Variants in KCNT2 observed in about 807,000 individuals in gnomAD.
The protein encoded by KCNT2 is potassium sodium-activated channel subfamily T member 2.
A neutral mutation model predicts 153.8 loss-of-function variants in KCNT2; 67 were observed. The ratio of observed to expected loss-of-function variants is 0.44; its 90% confidence interval spans 0.36 to 0.53. The LOEUF (loss-of-function observed/expected upper bound fraction) is 0.53. Among genes scored for constraint, KCNT2 ranks in the 20% least tolerant of loss-of-function variants. The probability of loss-of-function intolerance (pLI) is 0.00; values close to 1 mark genes in which losing one functional copy is unlikely to be tolerated. For synonymous variants in KCNT2, 500 were observed against 458.8 expected, an observed-to-expected ratio of 1.09 and a Z score of -1.15; for missense variants, 975 against 1,354.8, an observed-to-expected ratio of 0.72 and a Z score of 4.40.
intron 25 of KCNT2, among the ~76,000 whole-genome samples, chr1:196,270,507 G>C (rs1657965032): frequency 6.6e-6 from 1 of 152,026 alleles, no homozygotes; most frequent in Non-Finnish European, 1.5e-5. Context: ...AATCATGTTA[G>C]ACTCTATAAT....
chr1:196,543,119 G>C (rs189422843), intron 1 of KCNT2, among the ~76,000 whole-genome samples: 1 of 152,224 alleles, frequency 6.6e-6, no homozygotes, highest in Non-Finnish European at 1.5e-5. Context: ...AGTTGTGGTA[G>C]TCTTGAAAGC....
intron 26 of KCNT2, among the ~76,000 whole-genome samples, chr1:196,245,032 A>G (rs1655311153): frequency 6.6e-6 from 1 of 152,152 alleles, no homozygotes; most frequent in Non-Finnish European, 1.5e-5. Flanking sequence ...GAAAATAAAG[A>G]AAAAGAACAA....
At chr1:196,593,924 C>G (rs1055408092) in intron 1 of KCNT2, among the ~76,000 whole-genome samples, 1 of 151,628 alleles carries the variant, frequency 6.6e-6, no homozygotes, top group African/African-American at 2.4e-5. Flanking sequence ...CTAAACAGAC[C>G]CTAAACTATT....
intron 26 of KCNT2, among the ~76,000 whole-genome samples, chr1:196,255,352 G>A (rs904295628): frequency 1.3e-5 from 2 of 151,612 alleles, no homozygotes; most frequent in Admixed American, 1.3e-4. Context: ...AAGAACACAC[G>A]GCTTGTCCAA....
At chr1:196,292,759 T>A (rs1336572409) in intron 22 of KCNT2, among the ~76,000 whole-genome samples, 8 of 126,368 alleles carry the variant, frequency 6.3e-5, no homozygotes, top group South Asian at 2.4e-4. Context: ...TTGAAGCGAG[T>A]GGAGATTGCG....
chr1:196,446,847 T>G (rs1245790855), intron 8 of KCNT2, among the ~76,000 whole-genome samples: 1 of 151,570 alleles, frequency 6.6e-6, no homozygotes, highest in East Asian at 1.9e-4. Context: ...AAAATTTGTC[T>G]ACTGTGTCTT....
chr1:196,546,350 A>G (rs1657097943), intron 1 of KCNT2, among the ~76,000 whole-genome samples: 1 of 152,118 alleles, frequency 6.6e-6, no homozygotes, highest in African/African-American at 2.4e-5. Flanking sequence ...TCTCTAGCAC[A>G]GTGGAAACTA....
intron 15 of KCNT2, 132 bp downstream of exon 15, chr1:196,341,947 G>T: frequency 1.3e-6 from 1 of 771,400 alleles, no homozygotes; most frequent in East Asian, 2.8e-5. Context: ...TTCAACATTG[G>T]GGAATATTGT....
At chr1:196,334,543 C>T (rs578187611) in intron 16 of KCNT2, among the ~76,000 whole-genome samples, 3 of 131,708 alleles carry the variant, frequency 2.3e-5, no homozygotes, top group East Asian at 2.5e-4. Context: ...GGCACAATCT[C>T]GGCTCACTGC....
intron 8 of KCNT2, among the ~76,000 whole-genome samples, chr1:196,450,649 A>G (rs1201869582): frequency 6.6e-6 from 1 of 151,862 alleles, no homozygotes; most frequent in Non-Finnish European, 1.5e-5. Flanking sequence ...TGCAAATCCA[A>G]TCACTGCCTA....
chr1:196,499,715 G>A (rs936172716), intron 1 of KCNT2, among the ~76,000 whole-genome samples: 2 of 152,124 alleles, frequency 1.3e-5, no homozygotes, highest in African/African-American at 4.8e-5. Flanking sequence ...CACAGATTTT[G>A]TAAATAGGTT....
chr1:196,386,124 C>T (rs945762580), intron 13 of KCNT2, among the ~76,000 whole-genome samples: 3 of 152,102 alleles, frequency 2.0e-5, no homozygotes, highest in African/African-American at 7.2e-5. Flanking sequence ...AGATCTCCTA[C>T]CAATAGCCAG....
At position 196,479,179 on chromosome 1, in the gene KCNT2, C is replaced by T. The variant is rs771568966; in HGVS notation, c.384G>A (p.Lys128=). Residue 128 remains lysine, a splice_region_variant and synonymous_variant, in exon 5 of 28, where the codon AAG becomes AAA. Transcript: ENST00000294725. ...GAAACTGCTAATTAAAATAACTTAC[C>T]TTATAACTAAGATAACCAAGTAATA... The part of the protein sequence containing the change: ...ETILLGYLSY[K]GNIWEQILRI... The T allele has an allele frequency of 2.0e-6, 3 of 1,526,666 alleles. No homozygotes were observed. The highest frequency in any genetic ancestry group is 1.1e-5 in the South Asian group (1 of 87,904). The allele number at this position is 1,526,666 out of a possible 1,614,324, so 94.6% of individuals were successfully genotyped here.
chr1:196,410,806 C>A (rs1378040060), intron 12 of KCNT2, among the ~76,000 whole-genome samples: 1 of 151,328 alleles, frequency 6.6e-6, no homozygotes, highest in Admixed American at 6.6e-5. Context: ...CAAGCTTTTC[C>A]TCTGTTTCAA....
intron 12 of KCNT2, among the ~76,000 whole-genome samples, chr1:196,410,941 TCTC>T (rs1189462163): frequency 2.0e-5 from 3 of 151,020 alleles, no homozygotes; most frequent in Non-Finnish European, 4.4e-5. Context: ...TTTCTCCTTC[TCTC>T]CTTTCCTCCC....
chr1:196,496,067 A>G (rs1680226438), intron 1 of KCNT2, among the ~76,000 whole-genome samples: 1 of 151,468 alleles, frequency 6.6e-6, no homozygotes, highest in Non-Finnish European at 1.5e-5. Flanking sequence ...TTTTTTTTTC[A>G]CATTTATTAC....
rs1026988094 is a variant in KCNT2, at chr1:196,319,381, T to A, written c.2348+103A>T. 7 of 620,590 alleles carry A rather than the reference T, an allele frequency of 1.1e-5. No individual in the cohort carries two copies. The African/African-American group carries it at 1.3e-4, about 12-fold the overall frequency. The allele number at this position is 620,590 out of a possible 1,614,324, so 38.4% of individuals were successfully genotyped here. A position where few individuals can be genotyped will look rare whatever the true frequency, so the allele number is the denominator to read the frequency against. ...CATGCAAAATATATCATATTTGCAA[T>A]ACTGACACGGCAAATTACACTCATC... On this transcript the variant is annotated intron_variant, in intron 20 of 27. Transcript: ENST00000294725.
At chr1:196,395,604 C>T (rs140929811) in intron 13 of KCNT2, among the ~76,000 whole-genome samples, 9 of 151,544 alleles carry the variant, frequency 5.9e-5, no homozygotes, top group African/African-American at 2.2e-4. Flanking sequence ...CATTTTACAA[C>T]TTGAAAAACT....
intron 12 of KCNT2, among the ~76,000 whole-genome samples, chr1:196,410,168 T>C (rs1213805155): frequency 2.0e-5 from 3 of 151,768 alleles, no homozygotes; most frequent in Non-Finnish European, 4.4e-5. Context: ...TGTGTGTGTG[T>C]TTGGTTTTGT....
Sources: gnomAD v4.1 joint callset for allele counts (sites outside exome capture counted in the v4.1 genomes callset) on GRCh38, gnomAD v4.1.1 for gene constraint, MANE v1.5 for transcripts, NCBI Gene and HGNC (gene_info 2026-07-23, HGNC 2026-07-21) for gene names.